Variants in RGS7 observed in about 807,000 individuals in gnomAD.
The protein encoded by RGS7 is regulator of G protein signaling 7, also known as regulator of G-protein signaling 7.
A neutral mutation model predicts 81.1 loss-of-function variants in RGS7; 27 were observed. The ratio of observed to expected loss-of-function variants is 0.33; its 90% confidence interval spans 0.25 to 0.46. The LOEUF (loss-of-function observed/expected upper bound fraction) is 0.46. RGS7 is among the 20% of genes least tolerant of loss of function. RGS7 has a pLI of 1.00. For missense variants in RGS7, 396 were observed against 607.4 expected (o/e 0.65, Z 3.66); for synonymous variants, 208 against 207.7 (o/e 1.00, Z -0.01).
intron 3 of RGS7, among the ~76,000 whole-genome samples, chr1:241,049,734 G>A (rs1438977976): frequency 1.3e-5 from 2 of 152,136 alleles, no homozygotes; most frequent in African/African-American, 4.8e-5. Context: ...TTGGCATAAT[G>A]GACTTCTACA....
intron 3 of RGS7, among the ~76,000 whole-genome samples, chr1:241,024,530 T>A (rs2059693602): frequency 6.6e-6 from 1 of 152,236 alleles, no homozygotes; most frequent in African/African-American, 2.4e-5. Flanking sequence ...CATTCTGGAA[T>A]AATATCTCAT....
chr1:240,952,919 G>C (rs557482579), intron 4 of RGS7, among the ~76,000 whole-genome samples: 1 of 151,998 alleles, frequency 6.6e-6, no homozygotes, highest in South Asian at 2.1e-4. Context: ...GTTTAGGCAA[G>C]GCAGACTTCA....
intron 3 of RGS7, among the ~76,000 whole-genome samples, chr1:241,021,286 G>A (rs1017964763): frequency 6.6e-6 from 1 of 152,148 alleles, no homozygotes; most frequent in Non-Finnish European, 1.5e-5. Context: ...TGCAAGGGGT[G>A]GGGTGGAGGG....
intron 2 of RGS7, among the ~76,000 whole-genome samples, chr1:241,261,212 C>T (rs1250457976): frequency 1.3e-5 from 2 of 152,136 alleles, no homozygotes; most frequent in African/African-American, 4.8e-5. Context: ...GAGGGCCCTG[C>T]TGGTGCCTCA....
At chr1:241,299,877 T>C (rs1429343114) in intron 2 of RGS7, among the ~76,000 whole-genome samples, 5 of 124,888 alleles carry the variant, frequency 4.0e-5, no homozygotes, top group East Asian at 4.8e-4. Flanking sequence ...TGGGAGGTCA[T>C]GGTGGGAAGA....
chr1:240,890,618 C>T (rs555374530), intron 6 of RGS7, among the ~76,000 whole-genome samples: 5 of 151,888 alleles, frequency 3.3e-5, no homozygotes, highest in East Asian at 1.9e-4. Flanking sequence ...TAATAGTTAA[C>T]ATTTCACTAG....
chr1:240,906,231 C>T (rs984379511), intron 6 of RGS7, among the ~76,000 whole-genome samples: 2 of 152,184 alleles, frequency 1.3e-5, no homozygotes, highest in Non-Finnish European at 2.9e-5. Context: ...CCTCCTGTGT[C>T]TGCGTATCTG....
chr1:241,298,656 C>A (rs768868103), intron 2 of RGS7, among the ~76,000 whole-genome samples: 10 of 152,136 alleles, frequency 6.6e-5, no homozygotes, highest in Non-Finnish European at 1.3e-4. Context: ...AGAGAAAATT[C>A]TGGAGCCTAC....
At chr1:241,270,609 C>T (rs2077826107) in intron 2 of RGS7, among the ~76,000 whole-genome samples, 1 of 152,120 alleles carries the variant, frequency 6.6e-6, no homozygotes. Flanking sequence ...AAGTATCTGT[C>T]TTCGTTTAAA....
chr1:241,124,847 C>G (rs1208023436), intron 2 of RGS7, among the ~76,000 whole-genome samples: 2 of 152,216 alleles, frequency 1.3e-5, no homozygotes, highest in Non-Finnish European at 2.9e-5. Flanking sequence ...TGCAGGTAGG[C>G]AGAGGCAAAA....
intron 3 of RGS7, among the ~76,000 whole-genome samples, chr1:241,063,196 T>C (rs1265352051): frequency 3.9e-5 from 6 of 152,190 alleles, no homozygotes; most frequent in Admixed American, 1.3e-4. Flanking sequence ...ACTTTTATAA[T>C]GACAGTAGTT....
chr1:240,853,331 T>C (rs1572419671), intron 9 of RGS7, among the ~76,000 whole-genome samples: 1 of 152,316 alleles, frequency 6.6e-6, no homozygotes, highest in East Asian at 1.9e-4. Flanking sequence ...CCAAGCATGT[T>C]AGCAACATGA....
intron 4 of RGS7, among the ~76,000 whole-genome samples, chr1:240,942,574 G>C (rs1375630659): frequency 6.6e-6 from 1 of 152,014 alleles, no homozygotes; most frequent in Non-Finnish European, 1.5e-5. Context: ...CACAGTATAA[G>C]TATCAGTAGT....
In RGS7 at chr1:241,271,690, A is replaced by C. The variant is rs1001699253; in HGVS notation, c.78+84009T>G. On this transcript the variant is annotated intron_variant, in intron 2 of 18. Transcript: ENST00000440928. The surrounding 1 kb of genome is among the most constrained non-coding windows in gnomAD (Gnocchi z 4.6). ...CTGAACAGAACAGAAAGGTGGAAGA[A>C]GTAAGGATTCTCTCTCTGCTGGAGT... Among the ~76,000 whole-genome samples the C allele has an allele frequency of 6.6e-6, 1 of 152,226 alleles. No homozygotes were observed. The highest frequency in any genetic ancestry group is 1.5e-5 in the Non-Finnish European group (1 of 68,042).
At chr1:241,300,114 CA>C (rs946124843) in intron 2 of RGS7, among the ~76,000 whole-genome samples, 72 of 141,110 alleles carry the variant, frequency 5.1e-4, no homozygotes, top group Middle Eastern at 3.6e-3. Context: ...GACCATGTCT[CA>C]AAAAAAAAAA....
intron 6 of RGS7, among the ~76,000 whole-genome samples, chr1:240,902,767 G>T (rs1052559047): frequency 6.6e-6 from 1 of 152,064 alleles, no homozygotes; most frequent in African/African-American, 2.4e-5. Context: ...ATGACAGAAC[G>T]TTATGCAACT....
chr1:240,920,564 T>C, intron 6 of RGS7: 1 of 854,916 alleles, frequency 1.2e-6, no homozygotes, highest in South Asian at 1.3e-5. Flanking sequence ...AAGGTGGCTA[T>C]GGTGGTTGCA....
intron 3 of RGS7, among the ~76,000 whole-genome samples, chr1:241,058,247 G>A (rs1239290889): frequency 6.6e-6 from 1 of 152,210 alleles, no homozygotes; most frequent in Non-Finnish European, 1.5e-5. Flanking sequence ...GGAAGAATGA[G>A]TCAGGTGAGC....
chr1:241,072,691 T>C (rs2062546902), intron 3 of RGS7, among the ~76,000 whole-genome samples: 1 of 152,134 alleles, frequency 6.6e-6, no homozygotes, highest in Admixed American at 6.5e-5. Flanking sequence ...GCTGAATCAA[T>C]GCTTTTCTCC....
Sources: gnomAD v4.1 joint callset for allele counts (sites outside exome capture counted in the v4.1 genomes callset) on GRCh38, gnomAD v4.1.1 for gene constraint, Gnocchi (gnomAD v3.1) non-coding constraint, MANE v1.5 for transcripts, NCBI Gene and HGNC (gene_info 2026-07-23, HGNC 2026-07-21) for gene names.